LRRIQ1: variants seen among roughly 807,000 people sequenced by gnomAD.
LRRIQ1 encodes the protein leucine rich repeats and IQ motif containing 1.
LRRIQ1 carries 210 observed loss-of-function variants against 211.9 expected under a neutral mutation model. The ratio of observed to expected loss-of-function variants is 0.99; its 90% CI spans 0.89 to 1.11. The LOEUF (loss-of-function observed/expected upper bound fraction) is 1.11, where lower values mean the gene tolerates loss of function less well. Among genes scored for constraint, LRRIQ1 ranks in the 50% most tolerant of loss-of-function variants. The pLI, the probability that LRRIQ1 is intolerant of heterozygous loss-of-function variation, is 0.00. For synonymous variants in LRRIQ1, 699 were observed against 650.1 expected (o/e 1.08, Z -1.14); for missense variants, 2,136 against 1,939.5 (o/e 1.10, Z -1.90).
intron 24 of LRRIQ1, among the ~76,000 whole-genome samples, chr12:85,177,561 G>C (rs1469358293): frequency 6.6e-6 from 1 of 152,092 alleles, no homozygotes; most frequent in African/African-American, 2.4e-5. Context: ...AGGTTAGCCT[G>C]GGCCATTCAA....
intron 24 of LRRIQ1, among the ~76,000 whole-genome samples, chr12:85,198,145 T>G (rs1893089817): frequency 8.0e-6 from 1 of 124,394 alleles, no homozygotes; most frequent in East Asian, 2.1e-4. Flanking sequence ...TATAATATAT[T>G]ATATTATGTA....
intron 3 of LRRIQ1, among the ~76,000 whole-genome samples, chr12:85,043,110 G>GT (rs1306499989): frequency 1.3e-5 from 2 of 151,966 alleles, no homozygotes; most frequent in Non-Finnish European, 2.9e-5. Context: ...GGGCAGTAAG[G>GT]TTTTTTGTTT....
At chr12:85,141,303 C>T (rs1041942536) in intron 19 of LRRIQ1, among the ~76,000 whole-genome samples, 1 of 150,760 alleles carries the variant, frequency 6.6e-6, no homozygotes, top group Non-Finnish European at 1.5e-5. Context: ...CTTCTGTATC[C>T]TAAGTGATTT....
chr12:85,255,893 C>T (rs1896075711), intron 1 of LRRIQ1, among the ~76,000 whole-genome samples: 1 of 151,656 alleles, frequency 6.6e-6, no homozygotes, highest in African/African-American at 2.4e-5. Flanking sequence ...ATTGCTGTTA[C>T]ACCAAGAGCA....
intron 24 of LRRIQ1, among the ~76,000 whole-genome samples, chr12:85,197,246 C>T (rs1186742109): frequency 6.6e-6 from 1 of 151,658 alleles, no homozygotes; most frequent in Non-Finnish European, 1.5e-5. Context: ...TAAACTAGTT[C>T]AACCATTGTG....
intron 11 of LRRIQ1, among the ~76,000 whole-genome samples, chr12:85,093,425 G>A (rs983757193): frequency 3.3e-5 from 5 of 152,156 alleles, no homozygotes; most frequent in African/African-American, 1.2e-4. Flanking sequence ...ACATTAAAGT[G>A]CATGCCCTTA....
intron 1 of LRRIQ1, among the ~76,000 whole-genome samples, chr12:85,258,350 A>C (rs933372533): frequency 6.6e-6 from 1 of 151,884 alleles, no homozygotes; most frequent in Non-Finnish European, 1.5e-5. Context: ...TGGGATTTGG[A>C]GAAACAAAAG....
At chr12:85,193,913 G>A in intron 24 of LRRIQ1, among the ~76,000 whole-genome samples, 1 of 150,476 alleles carries the variant, frequency 6.6e-6, no homozygotes. Flanking sequence ...TCAGTGTGCT[G>A]TATTCAGGAA....
chr12:85,160,431 T>G (rs1890800923), intron 23 of LRRIQ1, among the ~76,000 whole-genome samples, 182 bp from the exon 24 acceptor site: 1 of 152,080 alleles, frequency 6.6e-6, no homozygotes, highest in Non-Finnish European at 1.5e-5. Flanking sequence ...AGATAACCAA[T>G]AATACGTACA....
downstream of LRRIQ1, among the ~76,000 whole-genome samples, chr12:85,267,555 A>G (rs1896449691): frequency 6.6e-6 from 1 of 152,076 alleles, no homozygotes; most frequent in Non-Finnish European, 1.5e-5. Flanking sequence ...TCCCAAAGTT[A>G]TTGGATTCAA....
chr12:85,190,124 A>G (rs559770107), intron 24 of LRRIQ1, among the ~76,000 whole-genome samples: 2,516 of 142,620 alleles, frequency 0.018, 74 homozygotes, highest in African/African-American at 0.061. Flanking sequence ...ATCAATAATA[A>G]TTATATTATA....
chr12:85,084,302 T>C (rs1197466945), intron 11 of LRRIQ1, among the ~76,000 whole-genome samples: 2 of 152,176 alleles, frequency 1.3e-5, no homozygotes, highest in African/African-American at 4.8e-5. Flanking sequence ...TGTGCTCATA[T>C]ATGAAGGAGA....
chr12:85,239,905 G>A (rs888363356), intron 26 of LRRIQ1, among the ~76,000 whole-genome samples: 2 of 152,030 alleles, frequency 1.3e-5, no homozygotes, highest in Non-Finnish European at 2.9e-5. Context: ...TTGAACCGGG[G>A]AGGCAGACTT....
intron 1 of LRRIQ1, among the ~76,000 whole-genome samples, chr12:85,255,682 T>G (rs1374778281): frequency 6.6e-6 from 1 of 151,800 alleles, no homozygotes. Flanking sequence ...ATGTAAAAAT[T>G]CATATTTTAA....
In LRRIQ1 at chr12:85,153,539, A is replaced by G. The variant is rs543860656; in HGVS notation, c.4542-124A>G. On this transcript the variant is annotated intron_variant, in intron 21 of 26. Coordinates refer to ENST00000393217, the MANE Select transcript of LRRIQ1 (RefSeq NM_001079910.2). ...TGGCAGACTTTTATTGCCTTTCAAG[A>G]TAATGTTTTTTGCTAACTTAGATTT... is the stretch of plus-strand genomic sequence containing the variant. The G allele has an allele frequency of 1.5e-5, 10 of 676,704 alleles. No homozygotes were observed. In the East Asian group the frequency reaches 2.0e-4, roughly 14 times the overall value. The allele number at this position is 676,704 out of a possible 1,614,324, so 41.9% of individuals were successfully genotyped here.
At chr12:85,219,814 C>T (rs1204184245) in intron 24 of LRRIQ1, among the ~76,000 whole-genome samples, 2 of 152,070 alleles carry the variant, frequency 1.3e-5, no homozygotes, top group African/African-American at 4.8e-5. Flanking sequence ...TTGCTTGTCA[C>T]ACACAAATGG....
chr12:85,113,815 A>C (rs1249466863), intron 15 of LRRIQ1, among the ~76,000 whole-genome samples: 3 of 152,122 alleles, frequency 2.0e-5, no homozygotes, highest in Non-Finnish European at 4.4e-5. Flanking sequence ...GTTTCCTGAG[A>C]AACTGAACTA....
chr12:85,057,666 C>T (rs1179985561), intron 8 of LRRIQ1, among the ~76,000 whole-genome samples: 1 of 151,994 alleles, frequency 6.6e-6, no homozygotes, highest in African/African-American at 2.4e-5. Context: ...CATCTAGCAA[C>T]AATTATTTAG....
chr12:85,079,465 C>T (rs1055818112), intron 11 of LRRIQ1, among the ~76,000 whole-genome samples: 7 of 151,540 alleles, frequency 4.6e-5, no homozygotes, highest in African/African-American at 1.5e-4. Flanking sequence ...CCTTGGGGTC[C>T]GCCTGCCTCC....
Sources: allele counts gnomAD v4.1 joint callset (sites outside exome capture counted in the v4.1 genomes callset), GRCh38; gene constraint gnomAD v4.1.1; transcripts MANE v1.5; gene names NCBI Gene and HGNC (gene_info 2026-07-23, HGNC 2026-07-21).